The following RAB10 variants were observed in gnomAD, a reference collection of about 807,000 sequenced individuals.
RAB10 encodes RAB10, member RAS oncogene family, also known as ras-related protein Rab-10.
A neutral mutation model predicts 25.7 loss-of-function variants in RAB10; 5 were observed. The ratio of observed to expected loss-of-function variants is 0.19; its 90% CI spans 0.10 to 0.41. The LOEUF (loss-of-function observed/expected upper bound fraction) is 0.41, where lower values mean the gene tolerates loss of function less well. Ranked by LOEUF, RAB10 falls within the 10% of genes least tolerant of loss-of-function variation. RAB10 has a pLI of 1.00. For synonymous variants in RAB10, 89 were observed against 86.4 expected (o/e 1.03, Z -0.16); for missense variants, 103 against 245.8 (o/e 0.42, Z 3.89).
intron 4 of RAB10, among the ~76,000 whole-genome samples, chr2:26,127,437 A>C (rs1667927951): frequency 6.6e-6 from 1 of 152,208 alleles, no homozygotes; most frequent in South Asian, 2.1e-4. Context: ...ATGTGCCCAT[A>C]GTATTTTTAG....
At chr2:26,095,214 T>G (rs991720788) in intron 1 of RAB10, among the ~76,000 whole-genome samples, 3 of 152,150 alleles carry the variant, frequency 2.0e-5, no homozygotes, top group South Asian at 2.1e-4. Flanking sequence ...TCACTAAGAT[T>G]GTAGTCCTTT....
intron 1 of RAB10, among the ~76,000 whole-genome samples, chr2:26,058,174 C>T (rs1264997006): frequency 3.3e-5 from 5 of 152,136 alleles, no homozygotes; most frequent in Admixed American, 3.3e-4. Context: ...TTCTCATTAT[C>T]TCCGCTGCTA....
chr2:26,056,067 T>C (rs557224753), intron 1 of RAB10, among the ~76,000 whole-genome samples: 1 of 152,122 alleles, frequency 6.6e-6, no homozygotes, highest in Non-Finnish European at 1.5e-5. Flanking sequence ...GATTAGTTTT[T>C]TTTAGTAGAG....
At chr2:26,121,381 G>A (rs892819148) in intron 3 of RAB10, among the ~76,000 whole-genome samples, 4 of 152,038 alleles carry the variant, frequency 2.6e-5, no homozygotes, top group Non-Finnish European at 5.9e-5. Context: ...ATGGGGACTC[G>A]CAGTGTTGCC....
intron 5 of RAB10, among the ~76,000 whole-genome samples, chr2:26,132,101 A>G (rs1485337537): frequency 6.6e-6 from 1 of 152,224 alleles, no homozygotes; most frequent in Non-Finnish European, 1.5e-5. Flanking sequence ...GGTTATACCC[A>G]TTTACACACC....
rs546582465 is a variant in RAB10, at chr2:26,042,456, C to T, written c.127+7721C>T. Among the ~76,000 whole-genome samples, 10 of 151,748 alleles carry T rather than the reference C, an allele frequency of 6.6e-5. No individual in the cohort carries two copies. In the South Asian group the frequency reaches 1.0e-3, roughly 16 times the overall value. ...TTCGAGACCAGCCTGGGCAACTTAG[C>T]GAGACCCCATCTCTACAAAAAAAAG... is the stretch of plus-strand genomic sequence containing the variant. On this transcript the variant is annotated intron_variant, in intron 1 of 5. Transcript: ENST00000264710.
At position 26,117,641 on chromosome 2, in the gene RAB10, A is replaced by G. The variant is rs954241166; in HGVS notation, c.327+7735A>G. ...TCTCAAAAAAAAAAAAAAAACAAAAAAAACAAAAGAGTTAGGAAGTACAAA... is the reference window on the plus strand; with the variant it reads ...TCTCAAAAAAAAAAAAAAAACAAAAGAAACAAAAGAGTTAGGAAGTACAAA... On this transcript the variant is annotated intron_variant, in intron 3 of 5. Coordinates refer to ENST00000264710, the MANE Select transcript of RAB10 (RefSeq NM_016131.5). 1.6e-4 allele frequency among the ~76,000 whole-genome samples: 25 copies of G among 151,954 alleles called. 1 individual carries two copies. Among genetic ancestry groups the G allele is most frequent in the African/African-American group, 5.5e-4 (23 of 41,492 alleles).
intron 1 of RAB10, among the ~76,000 whole-genome samples, chr2:26,034,946 TA>T (rs1665732241): frequency 6.6e-6 from 1 of 152,208 alleles, no homozygotes; most frequent in Non-Finnish European, 1.5e-5. Context: ...AGTCTCCCAC[TA>T]TGCTCAGTGC....
chr2:26,126,703 C>G (rs1667909778), intron 3 of RAB10, among the ~76,000 whole-genome samples: 2 of 152,184 alleles, frequency 1.3e-5, no homozygotes, highest in Non-Finnish European at 2.9e-5. Context: ...TTGTTTTTAA[C>G]TGATTTTTCT....
At chr2:26,061,264 C>T (rs1039390863) in intron 1 of RAB10, among the ~76,000 whole-genome samples, 1 of 151,904 alleles carries the variant, frequency 6.6e-6, no homozygotes, top group African/African-American at 2.4e-5. Flanking sequence ...CACAGGTGCA[C>T]ACCACCAGGT....
chr2:26,056,152 A>G (rs1021250406), intron 1 of RAB10, among the ~76,000 whole-genome samples: 5 of 151,892 alleles, frequency 3.3e-5, no homozygotes, highest in Non-Finnish European at 7.4e-5. Flanking sequence ...CAGCCTCCCA[A>G]AGTGTTGGGA....
intron 1 of RAB10, among the ~76,000 whole-genome samples, chr2:26,066,641 C>T (rs6731731): frequency 0.028 from 4,286 of 152,184 alleles, 205 homozygotes; most frequent in African/African-American, 0.099. Flanking sequence ...AACTCGCTAT[C>T]ATGAGAACAG....
At chr2:26,045,475 A>G (rs977083603) in intron 1 of RAB10, among the ~76,000 whole-genome samples, 5 of 151,552 alleles carry the variant, frequency 3.3e-5, no homozygotes, top group African/African-American at 9.7e-5. Context: ...TCCTGACCTC[A>G]TGATCCGCCC....
At chr2:26,107,859 C>A (rs1157372881) in intron 2 of RAB10, among the ~76,000 whole-genome samples, 12 of 147,218 alleles carry the variant, frequency 8.2e-5, no homozygotes, top group African/African-American at 2.2e-4. Flanking sequence ...AAAAAAAAAA[C>A]CAGACATTTC....
intron 5 of RAB10, among the ~76,000 whole-genome samples, chr2:26,128,462 G>T (rs886553280): frequency 6.6e-6 from 1 of 152,172 alleles, no homozygotes; most frequent in Non-Finnish European, 1.5e-5. Context: ...GATCTAGTCA[G>T]TGGTAACCAT....
intron 5 of RAB10, among the ~76,000 whole-genome samples, chr2:26,129,590 A>G (rs1216570656): frequency 6.6e-6 from 1 of 152,192 alleles, no homozygotes; most frequent in Admixed American, 6.5e-5. Context: ...AGTAAATTAT[A>G]TAGAGGCATT....
chr2:26,038,345 C>T (rs1359936910), intron 1 of RAB10, among the ~76,000 whole-genome samples: 1 of 151,428 alleles, frequency 6.6e-6, no homozygotes, highest in East Asian at 2.0e-4. Context: ...TACAGGTGCG[C>T]ACCACCACGC....
In RAB10 at chr2:26,073,200, G is replaced by A. The variant is rs193092454; in HGVS notation, c.128-25462G>A. ...AATAGTGTTGTTGATTTTAAAAGTA[G>A]AGAAGGATTTAATGCAGGAATTGTT... On this transcript the variant is annotated intron_variant, in intron 1 of 5. Coordinates refer to ENST00000264710, the MANE Select transcript of RAB10 (RefSeq NM_016131.5). Among the ~76,000 whole-genome samples the A allele has an allele frequency of 8.9e-4, 135 of 152,308 alleles. 1 individual carries two copies. The highest frequency in any genetic ancestry group is 3.2e-3 in the African/African-American group (134 of 41,566).
At chr2:26,044,097 CCTA>C (rs1665945524) in intron 1 of RAB10, among the ~76,000 whole-genome samples, 2 of 152,216 alleles carry the variant, frequency 1.3e-5, no homozygotes, top group South Asian at 4.1e-4. Context: ...ACACTTAACA[CCTA>C]CTGAACTGTA....
Sources: gnomAD v4.1 joint callset for allele counts (sites outside exome capture counted in the v4.1 genomes callset) on GRCh38, gnomAD v4.1.1 for gene constraint, MANE v1.5 for transcripts, NCBI Gene and HGNC (gene_info 2026-07-23, HGNC 2026-07-21) for gene names.